The following APOL4 variants were observed in gnomAD, a reference collection of about 807,000 sequenced individuals.
The protein encoded by APOL4 is apolipoprotein L, 4.
APOL4 carries 14 observed loss-of-function variants against 12.1 expected under a neutral mutation model. That is an observed-to-expected ratio of 1.16 (90% CI 0.76 to 1.81). The LOEUF is 1.81. Ranked by LOEUF, APOL4 falls within the 40% of genes most tolerant of loss-of-function variation. APOL4 has a pLI of 0.00. For missense variants in APOL4, 432 were observed against 423.1 expected (o/e 1.02, Z -0.18); for synonymous variants, 171 against 160.6 (o/e 1.06, Z -0.49).
Position 36,201,760 on chromosome 22 carries a change from T to C in APOL4, c.-26A>G. 1 of 1,601,810 alleles carries C rather than the reference T, an allele frequency of 6.2e-7. No homozygotes were observed. Among genetic ancestry groups the C allele is most frequent in the Non-Finnish European group, 8.5e-7 (1 of 1,174,180 alleles). ...CCTCCTTGGTCATTGTTGGCCTGGC[T>C]CAGACGCTGATCTGGGGCCTCTGCT... On this transcript the variant is annotated 5_prime_UTR_variant, in exon 1 of 4. Transcript: ENST00000683024.
chr22:36,200,415 C>T (rs554313962), intron 1 of APOL4, among the ~76,000 whole-genome samples: 2 of 152,364 alleles, frequency 1.3e-5, no homozygotes, highest in East Asian at 1.9e-4. Context: ...CTGCAGTGGA[C>T]AGCCTGTGTC....
At chr22:36,199,140 A>G (rs976996441) in intron 2 of APOL4, among the ~76,000 whole-genome samples, 190 bp downstream of exon 2, 2 of 152,218 alleles carry the variant, frequency 1.3e-5, no homozygotes, top group Non-Finnish European at 2.9e-5. Context: ...GATGCCCCCC[A>G]GAACCCTGGG....
chr22:36,195,771 C>CTT (rs2014391552), intron 2 of APOL4, among the ~76,000 whole-genome samples: 1 of 59,258 alleles, frequency 1.7e-5, no homozygotes, highest in South Asian at 1.0e-3. Context: ...CTCTCTCTCT[C>CTT]TCTCTCACAC....
At chr22:36,200,993 C>A (rs2014554574) in intron 1 of APOL4, among the ~76,000 whole-genome samples, 1 of 152,030 alleles carries the variant, frequency 6.6e-6, no homozygotes, top group Non-Finnish European at 1.5e-5. Flanking sequence ...ATACTGGGTA[C>A]AACTGAGGGT....
upstream of APOL4, among the ~76,000 whole-genome samples, chr22:36,203,328 C>T (rs368438258): frequency 4.6e-5 from 7 of 151,960 alleles, no homozygotes; most frequent in South Asian, 1.0e-3. Flanking sequence ...TTAGTGAGGG[C>T]GGGGGTAGGT....
chr22:36,199,339 G>A lies in APOL4; in HGVS notation c.73C>T (p.Gln25Ter), dbSNP rs772472342. Reference protein sequence around the residue: ...QNHPGWTVAGQFQEKKRFTEE... With the variant: ...QNHPGWTVAG Reference sequence around the variant, plus strand: ...TCTCTGAAAGGCTTACCTTGGAACTGTCCAGCCACTGTCCAGCCTGGATGG... The same window carrying A: ...TCTCTGAAAGGCTTACCTTGGAACTATCCAGCCACTGTCCAGCCTGGATGG... Residue 25 changes from glutamine to a stop codon, truncating the protein, a stop_gained, in exon 2 of 4, where the codon CAG becomes TAG. Coordinates refer to ENST00000683024, the MANE Select transcript of APOL4 (RefSeq NM_001386885.1). LOFTEE classifies it high-confidence loss of function. 5.0e-6 allele frequency: 8 copies of A among 1,613,964 alleles called. No individual in the cohort carries two copies. The highest frequency in any genetic ancestry group is 3.3e-4 in the Middle Eastern group (2 of 6,084).
At chr22:36,199,640 G>A in intron 1 of APOL4, 3 of 1,551,826 alleles carry the variant, frequency 1.9e-6, no homozygotes, top group Non-Finnish European at 2.6e-6. Flanking sequence ...ATAATCAGAG[G>A]AGGGGCAGCC....
intron 1 of APOL4, 130 bp from the exon 2 acceptor site, chr22:36,199,506 T>G: frequency 6.2e-7 from 1 of 1,608,716 alleles, no homozygotes; most frequent in South Asian, 1.1e-5. Flanking sequence ...TAACCCAGAT[T>G]CTTTCTCTAT....
chr22:36,195,817 C>CAG (rs1813786813), intron 2 of APOL4, among the ~76,000 whole-genome samples: 2 of 145,446 alleles, frequency 1.4e-5, no homozygotes, highest in African/African-American at 5.0e-5. Context: ...CACACACACA[C>CAG]CACTGTGAAG....
rs888624607 is a variant in APOL4, at chr22:36,191,597, C to T, written c.525G>A (p.Leu175=). Residue 175 remains leucine (L), a synonymous_variant, in exon 4 of 4, where the codon CTG becomes CTA. Transcript: ENST00000683024. The part of the protein sequence containing the change: ...SLSITAAGVG[L]GIASATAGIA... Reference sequence around the variant, plus strand: ...TCCCAGCCGTGGCAGATGCTATTCCCAGCCCTACCCCAGCTGCAGTAATGC... The same window carrying T: ...TCCCAGCCGTGGCAGATGCTATTCCTAGCCCTACCCCAGCTGCAGTAATGC... 3.1e-6 allele frequency: 5 copies of T among 1,613,426 alleles called. No homozygotes were observed. The African/African-American group carries it at 6.7e-5, about 22-fold the overall frequency.
Position 36,195,456 on chromosome 22 carries a change from G to A in APOL4, c.83-19C>T. On this transcript the variant is annotated intron_variant, in intron 2 of 3. Coordinates refer to ENST00000683024, the MANE Select transcript of APOL4 (RefSeq NM_001386885.1). ...TTCTTTTCTAGTTGGAAACAAAAAGGATAAGATTGGAAGAAAGTTTGCTAC... is the reference window on the plus strand; with the variant it reads ...TTCTTTTCTAGTTGGAAACAAAAAGAATAAGATTGGAAGAAAGTTTGCTAC... The A allele has an allele frequency of 1.2e-6, 2 of 1,610,636 alleles. No homozygotes were observed. The highest frequency in any genetic ancestry group is 1.7e-6 in the Non-Finnish European group (2 of 1,178,220).
chr22:36,193,649 T>C (rs759652402), intron 3 of APOL4, among the ~76,000 whole-genome samples: 1 of 152,122 alleles, frequency 6.6e-6, no homozygotes, highest in Non-Finnish European at 1.5e-5. Flanking sequence ...GAAGTAAGGG[T>C]GCACTCGAAC....
chr22:36,203,462 G>T (rs573905393), upstream of APOL4, among the ~76,000 whole-genome samples: 28 of 152,278 alleles, frequency 1.8e-4, no homozygotes, highest in Admixed American at 3.3e-4. Context: ...ACAGTATACA[G>T]AGATAAGAAT....
rs1046098637 is a variant in APOL4, at chr22:36,195,390, C to G, written c.130G>C (p.Val44Leu). The G allele has an allele frequency of 3.7e-6, 6 of 1,613,742 alleles. No homozygotes were observed. The highest frequency in any genetic ancestry group is 5.1e-6 in the Non-Finnish European group (6 of 1,179,802). The stretch of plus-strand genomic sequence containing the variant: ...AGGATTTTCAGATGCACTGGGCTAA[C>G]TTTCTTCTGGAAGTATTCAATGACT... Reference protein sequence around the residue: ...EEVIEYFQKKVSPVHLKILLT... With the variant: ...EEVIEYFQKKLSPVHLKILLT... The change falls in exon 3 of 4, where the codon GTT (valine) becomes CTT (leucine). Residue 44 changes from valine to leucine, a missense_variant. Val to Leu is a conservative substitution (Grantham distance 32). Coordinates refer to ENST00000683024, the MANE Select transcript of APOL4 (RefSeq NM_001386885.1).
intron 2 of APOL4, among the ~76,000 whole-genome samples, chr22:36,196,325 C>T (rs2014412367): frequency 6.6e-6 from 1 of 152,124 alleles, no homozygotes; most frequent in Non-Finnish European, 1.5e-5. Context: ...TGAAATATAC[C>T]TATAGACCCT....
At chr22:36,201,244 G>A (rs2014563915) in intron 1 of APOL4, among the ~76,000 whole-genome samples, 2 of 150,404 alleles carry the variant, frequency 1.3e-5, no homozygotes, top group African/African-American at 4.9e-5. Context: ...CGCACTCCCT[G>A]GCACACCCAC....
In APOL4 at chr22:36,191,516, G is replaced by T. The variant is rs774239962; in HGVS notation, c.606C>A (p.Ser202Arg). ...GGTCAGTGCTGGTTGCAGTCAGCCT[G>T]CTGGCTGTGAGTTCTGCTGACCTTG... ...TYTRSAELTA[S>R]RLTATSTDQL... is the part of the protein sequence containing the mutation. The change falls in exon 4 of 4, where the codon AGC (serine) becomes AGA (arginine). Residue 202 changes from serine to arginine, a missense_variant. Transcript: ENST00000683024. 1.9e-6 allele frequency: 3 copies of T among 1,614,074 alleles called. No individual in the cohort carries two copies. In the South Asian group the frequency reaches 3.3e-5, roughly 18 times the overall value.
intron 1 of APOL4, among the ~76,000 whole-genome samples, chr22:36,199,852 A>G (rs922962267): frequency 1.3e-5 from 2 of 151,624 alleles, no homozygotes; most frequent in African/African-American, 4.9e-5. Context: ...TCTGTCGTCC[A>G]GGTGGAGTGC....
chr22:36,193,200 T>C (rs1323117602), intron 3 of APOL4, among the ~76,000 whole-genome samples: 2 of 152,168 alleles, frequency 1.3e-5, no homozygotes, highest in East Asian at 1.9e-4. Flanking sequence ...CCCACTCTGG[T>C]GTCTCCTGTC....
Sources: gnomAD v4.1 joint callset for allele counts (sites outside exome capture counted in the v4.1 genomes callset) on GRCh38, gnomAD v4.1.1 for gene constraint, MANE v1.5 for transcripts, NCBI Gene and HGNC (gene_info 2026-07-23, HGNC 2026-07-21) for gene names.